Variants in FAR2 observed in about 807,000 individuals in gnomAD.
The protein encoded by FAR2 is fatty acyl-CoA reductase 2.
Under a neutral mutation model 56.0 loss-of-function variants are expected in FAR2, and 19 were observed. The observed-to-expected ratio is 0.34, with a 90% CI of 0.24 to 0.50. The LOEUF (loss-of-function observed/expected upper bound fraction) is 0.50, where lower values mean the gene tolerates loss of function less well. Ranked by LOEUF, FAR2 falls within the 20% of genes least tolerant of loss-of-function variation. The pLI, the probability that FAR2 is intolerant of heterozygous loss-of-function variation, is 0.98. For missense variants in FAR2, 508 were observed against 642.2 expected, an observed-to-expected ratio of 0.79 and a Z score of 2.26; for synonymous variants, 219 against 218.8, an observed-to-expected ratio of 1.00 and a Z score of -0.01.
At chr12:29,193,957 G>A (rs1327279790) in intron 1 of FAR2, among the ~76,000 whole-genome samples, 3 of 152,144 alleles carry the variant, frequency 2.0e-5, no homozygotes, top group Admixed American at 6.5e-5. Flanking sequence ...GTGTGGAGTT[G>A]TTACATTGCC....
chr12:29,278,876 A>T (rs1468084712), intron 2 of FAR2, among the ~76,000 whole-genome samples: 1 of 152,232 alleles, frequency 6.6e-6, no homozygotes, highest in African/African-American at 2.4e-5. Flanking sequence ...GCACTCAGGA[A>T]TTCAGCAAAT....
At position 29,305,428 on chromosome 12, in the gene FAR2, G is replaced by C. The variant is rs558025142; in HGVS notation, c.546-2230G>C. 3.0e-4 allele frequency among the ~76,000 whole-genome samples: 45 copies of C among 152,182 alleles called. 2 individuals carry two copies. In the South Asian group the frequency reaches 8.9e-3, roughly 30 times the overall value. Reference sequence around the variant, plus strand: ...GCTGAGATTACAGGTTTGAGTCACCGCACTTGGCCAGAAATGACACTTTAA... The same window carrying C: ...GCTGAGATTACAGGTTTGAGTCACCCCACTTGGCCAGAAATGACACTTTAA... On this transcript the variant is annotated intron_variant, in intron 4 of 11. Coordinates refer to ENST00000536681, the MANE Select transcript of FAR2 (RefSeq NM_001271783.2).
intron 4 of FAR2, among the ~76,000 whole-genome samples, chr12:29,306,889 T>C (rs146968920): frequency 6.6e-6 from 1 of 152,344 alleles, no homozygotes; most frequent in African/African-American, 2.4e-5. Flanking sequence ...TGGAAATCTC[T>C]GGAGATAATT....
intron 2 of FAR2, among the ~76,000 whole-genome samples, chr12:29,286,718 C>T (rs536805508): frequency 2.0e-5 from 3 of 152,194 alleles, no homozygotes; most frequent in East Asian, 3.9e-4. Context: ...GTAAAGTGAA[C>T]TAAAATTTTG....
At chr12:29,200,117 G>A (rs1349742661) in intron 1 of FAR2, among the ~76,000 whole-genome samples, 1 of 152,174 alleles carries the variant, frequency 6.6e-6, no homozygotes, top group Non-Finnish European at 1.5e-5. Context: ...TTAAGGGAAG[G>A]CCTTCTTAAG....
intron 2 of FAR2, among the ~76,000 whole-genome samples, chr12:29,271,023 A>T (rs1187137151): frequency 6.6e-6 from 1 of 152,174 alleles, no homozygotes; most frequent in African/African-American, 2.4e-5. Context: ...ATTCTGTTCT[A>T]TTCTATTGCT....
intron 4 of FAR2, among the ~76,000 whole-genome samples, chr12:29,302,221 G>A (rs540923861): frequency 2.2e-4 from 26 of 120,528 alleles, no homozygotes; most frequent in Admixed American, 9.7e-4. Flanking sequence ...GACAGAGCGA[G>A]ACTCCATCTC....
intron 1 of FAR2, among the ~76,000 whole-genome samples, chr12:29,219,284 C>T (rs1947658163): frequency 6.6e-6 from 1 of 152,114 alleles, no homozygotes. Flanking sequence ...ATAGTAAACA[C>T]TAAAGTAATG....
chr12:29,275,688 C>T (rs1040767356), intron 2 of FAR2, among the ~76,000 whole-genome samples: 5 of 152,256 alleles, frequency 3.3e-5, no homozygotes, highest in African/African-American at 4.8e-5. Flanking sequence ...ACATAGTAGA[C>T]GTTTCGTGTT....
intron 1 of FAR2, among the ~76,000 whole-genome samples, chr12:29,268,409 C>T (rs1021995622): frequency 6.6e-6 from 1 of 152,222 alleles, no homozygotes; most frequent in Non-Finnish European, 1.5e-5. Flanking sequence ...AGACAAAACA[C>T]TTCATGGTGC....
In FAR2 at chr12:29,332,662, A is replaced by G; in HGVS notation, c.1320A>G (p.Gly440=). The G allele has an allele frequency of 1.2e-6, 2 of 1,613,818 alleles. No homozygotes were observed. Among genetic ancestry groups the G allele is most frequent in the South Asian group, 1.1e-5 (1 of 91,074 alleles). The change falls in exon 11 of 12, where the codon GGA becomes GGG. Residue 440 remains glycine, a synonymous_variant. Coordinates refer to ENST00000536681, the MANE Select transcript of FAR2 (RefSeq NM_001271783.2). ...WLEYIENYVL[G]VKKYLLKEDM... ...AATACATTGAAAATTATGTTTTGGG[A>G]GTTAAAAAATACTTATTGAAAGAGG...
chr12:29,301,777 T>C (rs1310803721), intron 4 of FAR2: 1 of 152,198 alleles, frequency 6.6e-6, no homozygotes, highest in Non-Finnish European at 1.5e-5. Context: ...TATTGTAAGG[T>C]TGATATTATT....
At chr12:29,271,074 C>T (rs1233187667) in intron 2 of FAR2, among the ~76,000 whole-genome samples, 1 of 152,150 alleles carries the variant, frequency 6.6e-6, no homozygotes. Flanking sequence ...TGCAGTGATA[C>T]TTTCAGTTGT....
At chr12:29,314,355 G>C (rs1193699593) in intron 8 of FAR2, among the ~76,000 whole-genome samples, 1 of 151,660 alleles carries the variant, frequency 6.6e-6, no homozygotes, top group Non-Finnish European at 1.5e-5. Flanking sequence ...TGCTGGTATG[G>C]GTCCTACCAT....
chr12:29,165,081 A>G (rs574700837), intron 1 of FAR2, among the ~76,000 whole-genome samples: 3 of 152,268 alleles, frequency 2.0e-5, no homozygotes, highest in African/African-American at 7.2e-5. Flanking sequence ...ATGTAGCTGA[A>G]GTTGCTGAAT....
intron 1 of FAR2, among the ~76,000 whole-genome samples, chr12:29,245,067 G>A (rs184793089): frequency 6.6e-5 from 10 of 151,400 alleles, no homozygotes; most frequent in African/African-American, 1.7e-4. Context: ...TGCAACCTCC[G>A]TCTCCCGGGT....
chr12:29,276,086 T>C (rs1948701720), intron 2 of FAR2, among the ~76,000 whole-genome samples: 2 of 152,228 alleles, frequency 1.3e-5, no homozygotes, highest in South Asian at 2.1e-4. Context: ...CAATTGTGAG[T>C]TGTGTGATAG....
chr12:29,317,333 T>G (rs7298031), intron 9 of FAR2, among the ~76,000 whole-genome samples: 95,775 of 152,084 alleles, frequency 0.63, 31,417 homozygotes, highest in African/African-American at 0.82. Flanking sequence ...AGGCTCTGTG[T>G]ATATGGCTAA....
At chr12:29,251,157 G>T (rs1948203537) in intron 1 of FAR2, among the ~76,000 whole-genome samples, 1 of 152,138 alleles carries the variant, frequency 6.6e-6, no homozygotes, top group East Asian at 1.9e-4. Context: ...AAAGTTCAAG[G>T]TCAACTGAAC....
Sources: allele counts gnomAD v4.1 joint callset (sites outside exome capture counted in the v4.1 genomes callset), GRCh38; gene constraint gnomAD v4.1.1; transcripts MANE v1.5; gene names NCBI Gene and HGNC (gene_info 2026-07-23, HGNC 2026-07-21).